Variants in EFNB2 observed in about 807,000 individuals in gnomAD.
EFNB2 encodes ephrin-B2.
Under a neutral mutation model 32.1 loss-of-function variants are expected in EFNB2, and 5 were observed. That is an observed-to-expected ratio of 0.16 (90% CI 0.08 to 0.33). The LOEUF (loss-of-function observed/expected upper bound fraction) is 0.33. Among genes scored for constraint, EFNB2 ranks in the 10% least tolerant of loss-of-function variants. EFNB2 has a pLI of 1.00. For missense variants in EFNB2, 263 were observed against 422.6 expected (o/e 0.62, Z 3.31); for synonymous variants, 168 against 166.5 (o/e 1.01, Z -0.07).
intron 1 of EFNB2, among the ~76,000 whole-genome samples, chr13:106,528,203 G>A (rs1241250991): frequency 6.6e-6 from 1 of 152,094 alleles, no homozygotes; most frequent in Non-Finnish European, 1.5e-5. Context: ...AAAGTAACAG[G>A]CACTGGATAT....
chr13:106,519,397 T>A (rs1879422300), intron 1 of EFNB2: 1 of 152,128 alleles, frequency 6.6e-6, no homozygotes, highest in Non-Finnish European at 1.5e-5. Context: ...CTGACATGGA[T>A]GCTGGTGCAA....
At chr13:106,508,736 C>T (rs192796738) in intron 2 of EFNB2, among the ~76,000 whole-genome samples, 46 of 152,258 alleles carry the variant, frequency 3.0e-4, no homozygotes, top group Admixed American at 1.3e-3. Context: ...TATTTTAAGT[C>T]GGTGACCATT....
chr13:106,523,112 G>C (rs1486368265), intron 1 of EFNB2, among the ~76,000 whole-genome samples: 1 of 152,092 alleles, frequency 6.6e-6, no homozygotes, highest in Non-Finnish European at 1.5e-5. Context: ...GTCTGCTGTG[G>C]GCGTATGACA....
chr13:106,493,047 T>C lies in EFNB2; in HGVS notation c.995A>G (p.Lys332Arg), dbSNP rs1324905301. The change falls in exon 5 of 5, where the codon AAG becomes AGG. Residue 332 changes from lysine to arginine, a missense_variant. This residue lies in a region of EFNB2 where 172 missense variants were observed against 237.1 expected (regional missense o/e 0.73). Transcript: ENST00000646441. This position sits in a 1 kb window ranked among gnomAD's most constrained non-coding sequence, Gnocchi z 6.1. ...GTACCACCAGGGTCCCTCTCAGACC[T>C]TGTAGTAAATGTTCGCCGGGCTCTG... ...PPQSPANIYY[K>R]V The C allele has an allele frequency of 1.2e-6, 2 of 1,609,312 alleles. No homozygotes were observed. Among genetic ancestry groups the C allele is most frequent in the East Asian group, 2.2e-5 (1 of 44,726 alleles).
intron 1 of EFNB2, among the ~76,000 whole-genome samples, chr13:106,513,339 TAGTC>T (rs539985475): frequency 3.2e-3 from 491 of 152,304 alleles, no homozygotes; most frequent in Non-Finnish European, 4.9e-3. Flanking sequence ...TTATCATAAT[TAGTC>T]AGTCACTGAT....
intron 1 of EFNB2, among the ~76,000 whole-genome samples, chr13:106,514,087 G>A (rs1460473185): frequency 2.0e-5 from 3 of 152,068 alleles, no homozygotes; most frequent in African/African-American, 7.2e-5. Context: ...ACTCTTTATT[G>A]GGAAGAAAAA....
chr13:106,516,643 G>A (rs943874868), intron 1 of EFNB2: 4 of 152,204 alleles, frequency 2.6e-5, no homozygotes, highest in African/African-American at 4.8e-5. Context: ...AAGCCATGAA[G>A]TTAAGGGAAA....
intron 3 of EFNB2, 26 bp downstream of exon 3, chr13:106,495,722 G>T (rs769816018): frequency 6.2e-7 from 1 of 1,608,146 alleles, no homozygotes. Context: ...TCACAGTGGC[G>T]TCATGAAGCA....
chr13:106,499,862 T>C (rs540180799), intron 2 of EFNB2, among the ~76,000 whole-genome samples: 1 of 152,298 alleles, frequency 6.6e-6, no homozygotes, highest in Admixed American at 6.5e-5. Context: ...AGTAAGTATA[T>C]AGAAGTCACT....
chr13:106,512,267 A>G (rs1276438502), intron 2 of EFNB2, among the ~76,000 whole-genome samples: 2 of 150,330 alleles, frequency 1.3e-5, no homozygotes, highest in Admixed American at 1.3e-4. Flanking sequence ...ATATATTCAT[A>G]TAATACATTT....
At position 106,535,092 on chromosome 13, in the gene EFNB2, C is replaced by A. The variant is rs564294611; in HGVS notation, c.-128G>T. On this transcript the variant is annotated 5_prime_UTR_variant, in exon 1 of 5. Coordinates refer to ENST00000646441, the MANE Select transcript of EFNB2 (RefSeq NM_004093.4). ...CGTGCGCCCGCAGGCAGCTCCGAGG[C>A]GCGCTGCGCAGCTCCAGCGGTCGCC... 79 of 1,326,640 alleles carry A rather than the reference C, an allele frequency of 6.0e-5. No individual in the cohort carries two copies. The highest frequency in any genetic ancestry group is 7.6e-5 in the Non-Finnish European group (76 of 1,001,440). 82.2% of individuals were successfully genotyped at this position (1,326,640 alleles called of 1,614,324 possible).
chr13:106,500,653 T>C (rs1878746877), intron 2 of EFNB2, among the ~76,000 whole-genome samples: 1 of 152,220 alleles, frequency 6.6e-6, no homozygotes, highest in Non-Finnish European at 1.5e-5. Context: ...GTTACTCTCA[T>C]GTAACCACAA....
At chr13:106,534,804 C>T (rs1313817252) in intron 1 of EFNB2, 39 bp downstream of exon 1, 2 of 1,584,148 alleles carry the variant, frequency 1.3e-6, no homozygotes, top group South Asian at 2.3e-5. Context: ...GCGGCGGACC[C>T]CGGGGCGGGG....
intron 2 of EFNB2, among the ~76,000 whole-genome samples, chr13:106,508,702 A>T (rs1269411842): frequency 2.0e-5 from 3 of 152,208 alleles, no homozygotes; most frequent in Non-Finnish European, 4.4e-5. Flanking sequence ...AACCCATCAG[A>T]AAGTTGAAAA....
chr13:106,494,405 T>C (rs1878520831), intron 4 of EFNB2, among the ~76,000 whole-genome samples: 1 of 152,226 alleles, frequency 6.6e-6, no homozygotes, highest in South Asian at 2.1e-4. Context: ...ACATGGAAAA[T>C]GTGAAACAAA....
chr13:106,492,968 C>G lies in EFNB2; in HGVS notation c.*72G>C. 3.3e-6 allele frequency: 5 copies of G among 1,524,856 alleles called. No individual in the cohort carries two copies. Among genetic ancestry groups the G allele is most frequent in the Non-Finnish European group, 4.4e-6 (5 of 1,137,562 alleles). The allele number at this position is 1,524,856 out of a possible 1,614,324, so 94.5% of individuals were successfully genotyped here. On this transcript the variant is annotated 3_prime_UTR_variant, in exon 5 of 5. Transcript: ENST00000646441. This position sits in a 1 kb window ranked among gnomAD's most constrained non-coding sequence, Gnocchi z 5.1. ...CAGTCAATTCTCCAGCACGCGGGCT[C>G]TCAAACCCTCAAGGGAGGCATCGGG...
intron 2 of EFNB2, 34 bp downstream of exon 2, chr13:106,512,495 T>A: frequency 1.4e-6 from 2 of 1,381,320 alleles, no homozygotes; most frequent in Middle Eastern, 2.4e-4. Context: ...CTTATCTTAA[T>A]TTCTATAAAA....
chr13:106,520,584 C>T (rs1044189755), intron 1 of EFNB2: 6 of 152,188 alleles, frequency 3.9e-5, no homozygotes, highest in Admixed American at 6.5e-5. Flanking sequence ...AATTTGATGG[C>T]ACACTTCATA....
rs546735575 is a variant in EFNB2, at chr13:106,497,505, T to TA, written c.407-1666dup. On this transcript the variant is annotated intron_variant, in intron 2 of 4. Transcript: ENST00000646441. ...AAAATTTTGTACACTTCTGTGAATC[T>TA]AAAAAAAATCTTTTTAATTATTTAA... is the stretch of plus-strand genomic sequence containing the variant. 4.6e-4 allele frequency among the ~76,000 whole-genome samples: 70 copies of TA among 152,030 alleles called. No individual in the cohort carries two copies. The South Asian group carries it at 0.014, about 31-fold the overall frequency.
Sources: gnomAD v4.1 joint callset for allele counts (sites outside exome capture counted in the v4.1 genomes callset) on GRCh38, gnomAD v4.1.1 for gene constraint, gnomAD v4.1.1 regional missense constraint, Gnocchi (gnomAD v3.1) non-coding constraint, MANE v1.5 for transcripts, NCBI Gene and HGNC (gene_info 2026-07-23, HGNC 2026-07-21) for gene names.